Variants in CHCHD6 observed in about 807,000 individuals in gnomAD.
The protein encoded by CHCHD6 is coiled-coil-helix-coiled-coil-helix domain containing 6, also known as MICOS complex subunit MIC25.
CHCHD6 carries 28 observed loss-of-function variants against 32.3 expected under a neutral mutation model. That is an observed-to-expected ratio of 0.87 (90% CI 0.64 to 1.19). The LOEUF is 1.19. CHCHD6 is among the 50% of genes most tolerant of loss of function. The probability of loss-of-function intolerance (pLI) is 0.00; values close to 1 mark genes in which losing one functional copy is unlikely to be tolerated. For synonymous variants in CHCHD6, 122 were observed against 117.5 expected, an observed-to-expected ratio of 1.04 and a Z score of -0.25; for missense variants, 333 against 307.0, an observed-to-expected ratio of 1.08 and a Z score of -0.63.
chr3:126,837,275 T>TG (rs1424893944), intron 4 of CHCHD6, among the ~76,000 whole-genome samples: 7 of 152,176 alleles, frequency 4.6e-5, no homozygotes, highest in Non-Finnish European at 8.8e-5. Context: ...GCCTTTAAAG[T>TG]GGGTTTAGCC....
At chr3:126,856,805 G>C (rs1941680797) in intron 5 of CHCHD6, among the ~76,000 whole-genome samples, 1 of 152,148 alleles carries the variant, frequency 6.6e-6, no homozygotes, top group Non-Finnish European at 1.5e-5. Flanking sequence ...GAGTAGGGTG[G>C]TAGGGATGAG....
intron 5 of CHCHD6, among the ~76,000 whole-genome samples, chr3:126,884,964 G>A (rs1264146796): frequency 6.6e-6 from 1 of 152,180 alleles, no homozygotes; most frequent in African/African-American, 2.4e-5. Context: ...CAATGTCTCT[G>A]CACTTCCTGA....
chr3:126,844,654 G>C (rs948533764), intron 4 of CHCHD6, among the ~76,000 whole-genome samples: 12 of 152,088 alleles, frequency 7.9e-5, no homozygotes, highest in Non-Finnish European at 1.5e-4. Context: ...TCTCATTGGG[G>C]AGTGTGATAG....
At chr3:126,749,904 A>G (rs1936657577) in intron 4 of CHCHD6, among the ~76,000 whole-genome samples, 1 of 152,188 alleles carries the variant, frequency 6.6e-6, no homozygotes, top group South Asian at 2.1e-4. Flanking sequence ...AAGAATGGCT[A>G]TGGGGGGACA....
At chr3:126,882,531 C>A (rs986931778) in intron 5 of CHCHD6, among the ~76,000 whole-genome samples, 5 of 152,216 alleles carry the variant, frequency 3.3e-5, no homozygotes, top group Non-Finnish European at 7.3e-5. Context: ...TTTTACGAAT[C>A]ATCTGTTGAT....
intron 7 of CHCHD6, among the ~76,000 whole-genome samples, chr3:126,959,518 G>T (rs1276630150): frequency 6.6e-6 from 1 of 152,238 alleles, no homozygotes; most frequent in Non-Finnish European, 1.5e-5. Flanking sequence ...GGAGTGAAGG[G>T]TCCCTAAGAG....
At chr3:126,830,831 G>A (rs545640860) in intron 4 of CHCHD6, among the ~76,000 whole-genome samples, 3 of 152,282 alleles carry the variant, frequency 2.0e-5, no homozygotes, top group African/African-American at 4.8e-5. Context: ...ATCCCTGACC[G>A]GATGTTTGGG....
intron 4 of CHCHD6, among the ~76,000 whole-genome samples, chr3:126,805,639 T>C (rs1283812102): frequency 6.6e-6 from 1 of 152,184 alleles, no homozygotes; most frequent in Non-Finnish European, 1.5e-5. Context: ...AGGTAATTTA[T>C]AGATTCAATG....
intron 6 of CHCHD6, among the ~76,000 whole-genome samples, chr3:126,931,840 A>C (rs528317343): frequency 3.4e-4 from 52 of 152,320 alleles, no homozygotes; most frequent in Middle Eastern, 6.8e-3. Flanking sequence ...GGGCCAGGAC[A>C]AACTGTTCAC....
chr3:126,803,854 A>G (rs1298989531), intron 4 of CHCHD6, among the ~76,000 whole-genome samples: 1 of 152,224 alleles, frequency 6.6e-6, no homozygotes, highest in African/African-American at 2.4e-5. Context: ...AGAAATTATA[A>G]CAAACTGTCT....
At chr3:126,839,980 G>C (rs1031170082) in intron 4 of CHCHD6, among the ~76,000 whole-genome samples, 1 of 152,080 alleles carries the variant, frequency 6.6e-6, no homozygotes, top group African/African-American at 2.4e-5. Context: ...CGGCCCCCAG[G>C]TCTTGGCAAG....
chr3:126,725,499 A>G (rs575428406), intron 1 of CHCHD6, among the ~76,000 whole-genome samples: 27 of 152,360 alleles, frequency 1.8e-4, no homozygotes, highest in African/African-American at 6.5e-4. Flanking sequence ...TAAAGGCCCT[A>G]GAGTTTTCAG....
At chr3:126,761,143 G>A (rs927202152) in intron 4 of CHCHD6, among the ~76,000 whole-genome samples, 12 of 152,126 alleles carry the variant, frequency 7.9e-5, no homozygotes, top group African/African-American at 2.7e-4. Flanking sequence ...ATATATATAC[G>A]CACACACCCC....
chr3:126,732,644 G>A (rs1044097009), intron 3 of CHCHD6, among the ~76,000 whole-genome samples: 22 of 152,100 alleles, frequency 1.4e-4, no homozygotes, highest in East Asian at 5.8e-4. Context: ...TATTTTACTA[G>A]GCAGAATGCC....
chr3:126,931,554 C>T lies in CHCHD6; in HGVS notation c.566+16804C>T, dbSNP rs371236862. On this transcript the variant is annotated intron_variant, in intron 6 of 7. Coordinates refer to ENST00000290913, the MANE Select transcript of CHCHD6 (RefSeq NM_032343.3). ...CGGAGCCCAGGGCAGCTTGAGGAGC[C>T]GGTAAACTTTGACTTTGGGCTCTTT... 1.2e-4 allele frequency among the ~76,000 whole-genome samples: 19 copies of T among 152,292 alleles called. No homozygotes were observed. In the South Asian group the frequency reaches 2.5e-3, roughly 20 times the overall value.
intron 4 of CHCHD6, among the ~76,000 whole-genome samples, chr3:126,752,740 G>A (rs897043611): frequency 5.3e-5 from 8 of 152,296 alleles, no homozygotes; most frequent in African/African-American, 1.7e-4. Context: ...CCTTTAGCGC[G>A]GCTTGCTGAG....
At chr3:126,739,620 C>T (rs1247946278) in intron 4 of CHCHD6, among the ~76,000 whole-genome samples, 1 of 152,160 alleles carries the variant, frequency 6.6e-6, no homozygotes, top group Non-Finnish European at 1.5e-5. Flanking sequence ...CAACTTCAGT[C>T]TTCTGATATG....
At chr3:126,705,485 G>T (rs566605745) in intron 1 of CHCHD6, among the ~76,000 whole-genome samples, 4 of 152,292 alleles carry the variant, frequency 2.6e-5, no homozygotes, top group African/African-American at 9.6e-5. Flanking sequence ...GAGAAGTGAG[G>T]CACTGAGAGG....
chr3:126,704,752 C>A (rs1324707394), intron 1 of CHCHD6, among the ~76,000 whole-genome samples: 1 of 152,160 alleles, frequency 6.6e-6, no homozygotes, highest in Non-Finnish European at 1.5e-5. Flanking sequence ...GCGCGCATCT[C>A]GTTCTGGGTA....
Sources: allele counts gnomAD v4.1 joint callset (sites outside exome capture counted in the v4.1 genomes callset), GRCh38; gene constraint gnomAD v4.1.1; transcripts MANE v1.5; gene names NCBI Gene and HGNC (gene_info 2026-07-23, HGNC 2026-07-21).